Variants in KAT8 observed in about 807,000 individuals in gnomAD.
KAT8 encodes lysine acetyltransferase 8.
A neutral mutation model predicts 62.9 loss-of-function variants in KAT8; 40 were observed. That is an observed-to-expected ratio of 0.64 (90% CI 0.49 to 0.83). The LOEUF is 0.83. Ranked by LOEUF, KAT8 falls within the 40% of genes least tolerant of loss-of-function variation. The probability of loss-of-function intolerance (pLI) is 0.00; values close to 1 mark genes in which losing one functional copy is unlikely to be tolerated. For synonymous variants in KAT8, 278 were observed against 254.5 expected, an observed-to-expected ratio of 1.09 and a Z score of -0.88; for missense variants, 387 against 614.8, an observed-to-expected ratio of 0.63 and a Z score of 3.92.
chr16:31,121,403 GAGCTACTGCGCCCGGCCTA>G (rs372149454), intron 3 of KAT8, among the ~76,000 whole-genome samples: 259 of 152,194 alleles, frequency 1.7e-3, no homozygotes, highest in African/African-American at 6.0e-3. Flanking sequence ...TTACAGGCGT[GAGCTACTGCGCCCGGCCTA>G]AGCTAAGTGT....
chr16:31,121,384 G>A (rs1011975915), intron 3 of KAT8, among the ~76,000 whole-genome samples: 2 of 152,112 alleles, frequency 1.3e-5, no homozygotes, highest in African/African-American at 2.4e-5. Flanking sequence ...GCCTCCCAAA[G>A]TGCTGGGATT....
intron 1 of KAT8, 91 bp downstream of exon 1, chr16:31,117,983 A>G (rs1596815920): frequency 7.1e-6 from 7 of 981,080 alleles, no homozygotes; most frequent in African/African-American, 1.7e-5. Flanking sequence ...TGAGGCCAAG[A>G]TCCGGGGGCT....
rs1216842132 is a variant in KAT8, at chr16:31,130,618, T to C, written c.1157+12T>C. ...ATCAAGGACCTCAGGTGAGGGGGCC[T>C]CCCGGGCCCTGGGGGCAGGACTTGC... On this transcript the variant is annotated intron_variant, in intron 9 of 10. Coordinates refer to ENST00000219797, the MANE Select transcript of KAT8 (RefSeq NM_032188.3). 6.2e-7 allele frequency: 1 copy of C among 1,613,584 alleles called. No individual in the cohort carries two copies. Among genetic ancestry groups the C allele is most frequent in the Non-Finnish European group, 8.5e-7 (1 of 1,179,720 alleles).
intron 3 of KAT8, among the ~76,000 whole-genome samples, chr16:31,124,747 A>AG (rs2057521632): frequency 6.8e-6 from 1 of 148,094 alleles, no homozygotes; most frequent in African/African-American, 2.5e-5. Context: ...AAAAAAAAAA[A>AG]AAAAGGCTAT....
intron 5 of KAT8, 133 bp downstream of exon 5, chr16:31,127,486 C>A: frequency 1.1e-6 from 1 of 908,128 alleles, no homozygotes; most frequent in Non-Finnish European, 1.7e-6. Context: ...CAGGGAAGAG[C>A]TGCTGGGGGT....
In KAT8 at chr16:31,128,165, G is replaced by T. The variant is rs2057547652; in HGVS notation, c.771+26G>T. 3 of 1,562,502 alleles carry T rather than the reference G, an allele frequency of 1.9e-6. No individual in the cohort carries two copies. In the East Asian group the frequency reaches 6.8e-5, roughly 35 times the overall value. On this transcript the variant is annotated intron_variant, in intron 6 of 10. Transcript: ENST00000219797. ...GTGAGTGGGTGGCCAGGGGTTGGGA[G>T]AGGCCGGGGAGGCCCTGGGCACCTC...
chr16:31,125,261 C>T (rs1464896466), intron 3 of KAT8, among the ~76,000 whole-genome samples: 4 of 151,760 alleles, frequency 2.6e-5, no homozygotes, highest in African/African-American at 9.7e-5. Context: ...CACTAGTCCC[C>T]GAGGGTAAGG....
At position 31,117,736 on chromosome 16, in the gene KAT8, G is replaced by C. The variant is rs899031653; in HGVS notation, c.55G>C (p.Gly19Arg). The change falls in exon 1 of 11, where the codon GGG (glycine) becomes CGG (arginine). Residue 19 changes from glycine (G) to arginine (R), a missense_variant. By Grantham distance (125) the Gly-to-Arg change is moderately radical (BLOSUM62 -2). Transcript: ENST00000219797. The stretch of plus-strand genomic sequence containing the variant: ...TGCGGCGGGGACTTCAGGGGTCGCG[G>C]GGGAGGGCGAGCCCGGGCCCGGGGA... ...AVAAGTSGVA[G>R]EGEPGPGENA... 3.6e-5 allele frequency: 49 copies of C among 1,375,448 alleles called. No homozygotes were observed. In the East Asian group the frequency reaches 1.5e-3, roughly 42 times the overall value. The allele number at this position is 1,375,448 out of a possible 1,614,324, so 85.2% of individuals were successfully genotyped here. A position where few individuals can be genotyped will look rare whatever the true frequency, so the allele number is the denominator to read the frequency against.
chr16:31,124,843 C>G (rs553991189), intron 3 of KAT8, among the ~76,000 whole-genome samples: 1 of 151,502 alleles, frequency 6.6e-6, no homozygotes, highest in East Asian at 1.9e-4. Context: ...GCCTGGCCAA[C>G]ATGGTGAAAC....
intron 8 of KAT8, 35 bp from the exon 9 acceptor site, chr16:31,130,421 G>A (rs2057568479): frequency 6.2e-7 from 1 of 1,614,114 alleles, no homozygotes. Context: ...GCCAGGGCAG[G>A]CTGGATCCTA....
rs780994577 is a variant in KAT8, at chr16:31,128,145, T to C, written c.771+6T>C. On this transcript the variant is annotated splice_donor_region_variant and intron_variant, in intron 6 of 10. Coordinates refer to ENST00000219797, the MANE Select transcript of KAT8 (RefSeq NM_032188.3). ...TTGATGGCAAAGACCATAAGGTGAG[T>C]GGGTGGCCAGGGGTTGGGAGAGGCC... 7 of 1,611,966 alleles carry C rather than the reference T, an allele frequency of 4.3e-6. No individual in the cohort carries two copies. In the East Asian group the frequency reaches 1.3e-4, roughly 31 times the overall value.
intron 6 of KAT8, 72 bp downstream of exon 6, chr16:31,128,211 C>G (rs1486817122): frequency 1.7e-6 from 2 of 1,203,568 alleles, no homozygotes; most frequent in African/African-American, 3.0e-5. Context: ...CTCATCACCA[C>G]CAAAGGGGAG....
chr16:31,129,973 C>T, intron 6 of KAT8, 44 bp from the exon 7 acceptor site: 1 of 1,608,856 alleles, frequency 6.2e-7, no homozygotes, highest in South Asian at 1.1e-5. Context: ...TGGGTGGGGC[C>T]TGTGCCTGCC....
intron 1 of KAT8, chr16:31,118,624 C>G (rs951884419): frequency 6.6e-6 from 1 of 152,094 alleles, no homozygotes; most frequent in African/African-American, 2.4e-5. Context: ...TTTCCTACCT[C>G]AGTCATAGTT....
At position 31,127,366 on chromosome 16, in the gene KAT8, C is replaced by CGGCCG. The variant is rs1390508990; in HGVS notation, c.681+19_681+23dup. 3.1e-6 allele frequency: 5 copies of CGGCCG among 1,613,142 alleles called. No homozygotes were observed. The highest frequency in any genetic ancestry group is 1.7e-5 in the Admixed American group (1 of 59,988). On this transcript the variant is annotated intron_variant, in intron 5 of 10. Coordinates refer to ENST00000219797, the MANE Select transcript of KAT8 (RefSeq NM_032188.3). ...CCGCTTCCACTTGGTGAGGCTGGGC[C>CGGCCG]GGCCGGGCCGAGCTGGGCAGGGGCC...
chr16:31,120,644 T>G, intron 3 of KAT8, 130 bp downstream of exon 3: 2 of 802,200 alleles, frequency 2.5e-6, no homozygotes, highest in Non-Finnish European at 1.9e-6. Context: ...TGTCAGGGAC[T>G]TTACCTACTT....
At chr16:31,131,135 G>A (rs2057575748) in intron 10 of KAT8, 60 bp from the exon 11 acceptor site, 2 of 1,603,122 alleles carry the variant, frequency 1.2e-6, no homozygotes, top group African/African-American at 2.7e-5. Context: ...GAGGAGGGCA[G>A]CCAGGTGTGA....
Position 31,130,445 on chromosome 16 carries a change from A to ATAG in KAT8, c.1007-11_1007-10insTAG. 1 of 1,614,052 alleles carries ATAG rather than the reference A, an allele frequency of 6.2e-7. No individual in the cohort carries two copies. The highest frequency in any genetic ancestry group is 8.5e-7 in the Non-Finnish European group (1 of 1,179,948). On this transcript the variant is annotated splice_polypyrimidine_tract_variant and intron_variant, in intron 8 of 10. Transcript: ENST00000219797. The stretch of plus-strand genomic sequence containing the variant: ...GGCTGGATCCTAAGTTCCTCTTTCT[A>ATAG]CTGCTGCCAGGTTATGAGCTCTCCA...
chr16:31,130,912 GCT>G lies in KAT8; in HGVS notation c.1312+13_1312+14del. ...ACCACCCATCACAGGTGGGTGGGGG[GCT>G]GCTGTGTGTCGGGGGCGGTGGGGGA... On this transcript the variant is annotated intron_variant, in intron 10 of 10. Transcript: ENST00000219797. 5 of 1,609,658 alleles carry G rather than the reference GCT, an allele frequency of 3.1e-6. No homozygotes were observed. In the Admixed American group the frequency reaches 8.4e-5, roughly 27 times the overall value.
Sources: allele counts gnomAD v4.1 joint callset (sites outside exome capture counted in the v4.1 genomes callset), GRCh38; gene constraint gnomAD v4.1.1; transcripts MANE v1.5; gene names NCBI Gene and HGNC (gene_info 2026-07-23, HGNC 2026-07-21).